The following GALNTL6 variants were observed in gnomAD, a reference collection of about 807,000 sequenced individuals.
GALNTL6 encodes polypeptide N-acetylgalactosaminyltransferase-like 6.
GALNTL6 carries 46 observed loss-of-function variants against 73.7 expected under a neutral mutation model. The observed-to-expected ratio is 0.62, with a 90% CI of 0.49 to 0.80. GALNTL6 has a LOEUF of 0.80. Among genes scored for constraint, GALNTL6 ranks in the 30% least tolerant of loss-of-function variants. The pLI is 0.00. For synonymous variants in GALNTL6, 259 were observed against 263.7 expected, an observed-to-expected ratio of 0.98 and a Z score of 0.17; for missense variants, 604 against 755.0, an observed-to-expected ratio of 0.80 and a Z score of 2.34.
intron 8 of GALNTL6, among the ~76,000 whole-genome samples, chr4:172,915,941 A>C (rs866064310): frequency 3.7e-4 from 56 of 152,222 alleles, no homozygotes; most frequent in African/African-American, 1.3e-3. Context: ...GAGACACAAC[A>C]AAAAAAGAGA....
intron 5 of GALNTL6, among the ~76,000 whole-genome samples, chr4:172,615,017 C>G (rs1245996825): frequency 6.6e-6 from 1 of 152,006 alleles, no homozygotes; most frequent in Non-Finnish European, 1.5e-5. Context: ...TCAATGAAAC[C>G]ATGTGTTCTA....
chr4:172,978,392 G>T (rs954474775), intron 10 of GALNTL6, among the ~76,000 whole-genome samples: 20 of 152,124 alleles, frequency 1.3e-4, no homozygotes, highest in Non-Finnish European at 2.1e-4. Context: ...ATCATTTTGA[G>T]CAATAGACAT....
At chr4:172,731,677 A>G (rs934024144) in intron 5 of GALNTL6, among the ~76,000 whole-genome samples, 1 of 151,902 alleles carries the variant, frequency 6.6e-6, no homozygotes, top group African/African-American at 2.4e-5. Flanking sequence ...TGATATAAGC[A>G]TTTATTGCTA....
At chr4:171,868,726 G>A (rs1253752380) in intron 2 of GALNTL6, among the ~76,000 whole-genome samples, 1 of 152,000 alleles carries the variant, frequency 6.6e-6, no homozygotes, top group Non-Finnish European at 1.5e-5. Context: ...CTGTCACCCA[G>A]GCTGGAGTGC....
chr4:171,929,223 T>C (rs192695846), intron 2 of GALNTL6, among the ~76,000 whole-genome samples: 56 of 152,214 alleles, frequency 3.7e-4, no homozygotes, highest in African/African-American at 1.3e-3. Context: ...CACGCCACCA[T>C]GCCCAGCTAA....
intron 5 of GALNTL6, among the ~76,000 whole-genome samples, chr4:172,782,538 AC>A (rs1421005887): frequency 1.3e-5 from 2 of 152,084 alleles, no homozygotes; most frequent in Admixed American, 1.3e-4. Flanking sequence ...GAAAGTTTTT[AC>A]CCTGTAAACA....
chr4:173,033,151 C>T (rs1753540377), intron 12 of GALNTL6, among the ~76,000 whole-genome samples: 1 of 152,132 alleles, frequency 6.6e-6, no homozygotes, highest in South Asian at 2.1e-4. Flanking sequence ...CAGGCATGCG[C>T]CACCATGCCC....
At chr4:172,256,229 T>A (rs1013642991) in intron 3 of GALNTL6, among the ~76,000 whole-genome samples, 2 of 151,380 alleles carry the variant, frequency 1.3e-5, no homozygotes, top group Non-Finnish European at 3.0e-5. Flanking sequence ...CCAATCCAGC[T>A]GCAACAACCA....
intron 2 of GALNTL6, among the ~76,000 whole-genome samples, chr4:172,046,157 G>GATTTCAATCAATTGAATTGATTGATTA (rs1560898896): frequency 1.3e-5 from 2 of 151,946 alleles, no homozygotes; most frequent in Non-Finnish European, 2.9e-5. Context: ...TTGATTGATT[G>GATTTCAATCAATTGAATTGATTGATTA]CATAATTGAG....
chr4:172,764,642 A>G (rs1202597150), intron 5 of GALNTL6, among the ~76,000 whole-genome samples: 1 of 152,208 alleles, frequency 6.6e-6, no homozygotes, highest in Non-Finnish European at 1.5e-5. Flanking sequence ...TTGTTGAGTC[A>G]GAAAGTATGA....
chr4:172,223,661 A>G (rs1736760548), intron 2 of GALNTL6, among the ~76,000 whole-genome samples: 1 of 152,122 alleles, frequency 6.6e-6, no homozygotes, highest in African/African-American at 2.4e-5. Flanking sequence ...AAGTCTCCAC[A>G]TTTGTTTGGT....
chr4:172,927,132 T>C (rs1748097681), intron 8 of GALNTL6, among the ~76,000 whole-genome samples: 1 of 152,208 alleles, frequency 6.6e-6, no homozygotes. Context: ...CTGCAATTAC[T>C]CAGGCTCTGA....
intron 2 of GALNTL6, among the ~76,000 whole-genome samples, chr4:171,928,819 A>T (rs1738074393): frequency 6.6e-6 from 1 of 152,222 alleles, no homozygotes; most frequent in Admixed American, 6.5e-5. Flanking sequence ...CACAGAGCCT[A>T]GGTGTGTAGC....
intron 7 of GALNTL6, among the ~76,000 whole-genome samples, chr4:172,825,070 T>TTTTG: frequency 6.9e-6 from 1 of 145,062 alleles, no homozygotes; most frequent in East Asian, 2.0e-4. Context: ...TTTTTTTTTT[T>TTTTG]GGTTATCTTT....
At chr4:172,767,666 TC>T (rs1553986524) in intron 5 of GALNTL6, among the ~76,000 whole-genome samples, 27,434 of 112,338 alleles carry the variant, frequency 0.24, 2,586 homozygotes, top group African/African-American at 0.43. Flanking sequence ...TGATTTTTTT[TC>T]TTTTTTTTTT....
At chr4:172,977,753 G>A (rs533965170) in intron 10 of GALNTL6, among the ~76,000 whole-genome samples, 1 of 152,224 alleles carries the variant, frequency 6.6e-6, no homozygotes, top group Non-Finnish European at 1.5e-5. Context: ...GTTCTGGGTG[G>A]TCCTCTGGGT....
chr4:172,027,566 G>A (rs1016774314), intron 2 of GALNTL6, among the ~76,000 whole-genome samples: 2 of 151,854 alleles, frequency 1.3e-5, no homozygotes, highest in Admixed American at 6.6e-5. Context: ...TGAGACCAAC[G>A]ATACTGAAAT....
chr4:172,498,121 G>C (rs1367244889), intron 5 of GALNTL6, among the ~76,000 whole-genome samples: 1 of 151,278 alleles, frequency 6.6e-6, no homozygotes, highest in African/African-American at 2.4e-5. Flanking sequence ...CTCCTGAGTA[G>C]CTGGGACTAC....
At chr4:172,417,649 A>C (rs1440945726) in intron 5 of GALNTL6, among the ~76,000 whole-genome samples, 1 of 149,166 alleles carries the variant, frequency 6.7e-6, no homozygotes, top group African/African-American at 2.6e-5. Context: ...ACCCTGTCTC[A>C]AAAAAAATAA....
Sources: allele counts gnomAD v4.1 joint callset (sites outside exome capture counted in the v4.1 genomes callset), GRCh38; gene constraint gnomAD v4.1.1; transcripts MANE v1.5; gene names NCBI Gene and HGNC (gene_info 2026-07-23, HGNC 2026-07-21).